SNAI3: variants seen among roughly 807,000 people sequenced by gnomAD.
SNAI3 encodes snail family transcriptional repressor 3, also known as zinc finger protein SNAI3.
In SNAI3, 21 loss-of-function variants were observed where a neutral mutation model predicts 16.4. That is an observed-to-expected ratio of 1.28 (90% CI 0.91 to 1.85). The LOEUF is 1.85. SNAI3 is among the 40% of genes most tolerant of loss of function. The pLI is 0.00. For synonymous variants in SNAI3, 202 were observed against 166.6 expected (o/e 1.21, Z -1.64); for missense variants, 457 against 372.8 (o/e 1.23, Z -1.86).
chr16:88,678,292 G>A lies in SNAI3; in HGVS notation c.*156C>T, dbSNP rs1909039983. 1.7e-6 allele frequency: 1 copy of A among 580,894 alleles called. No individual in the cohort carries two copies. The highest frequency in any genetic ancestry group is 2.1e-5 in the South Asian group (1 of 48,382). The allele number at this position is 580,894 out of a possible 1,614,324, so 36.0% of individuals were successfully genotyped here. On this transcript the variant is annotated 3_prime_UTR_variant, in exon 3 of 3. Coordinates refer to ENST00000332281, the MANE Select transcript of SNAI3 (RefSeq NM_178310.4). Reference sequence around the variant, plus strand: ...GTCCTCCGGCCCAGTGGCCCCCGCTGGACTTCTTTGGTTCTGATTGGACGC... The same window carrying A: ...GTCCTCCGGCCCAGTGGCCCCCGCTAGACTTCTTTGGTTCTGATTGGACGC...
At position 88,681,143 on chromosome 16, in the gene SNAI3, C is replaced by G; in HGVS notation, c.648G>C (p.Lys216Asn). The change falls in exon 2 of 3, where the codon AAG (lysine) becomes AAC (asparagine). Residue 216 changes from lysine (K) to asparagine (N), a missense_variant. Lys to Asn is a moderately conservative substitution (Grantham distance 94, BLOSUM62 0). Coordinates refer to ENST00000332281, the MANE Select transcript of SNAI3 (RefSeq NM_178310.4). This position sits in a 1 kb window ranked among gnomAD's most constrained non-coding sequence, Gnocchi z 5.4. Reference sequence around the variant, plus strand: ...GCAGTAACCAGGGCCTGGAGAAGGCCTTGCCACAGATCTTGCAGGTGCAGG... The same window carrying G: ...GCAGTAACCAGGGCCTGGAGAAGGCGTTGCCACAGATCTTGCAGGTGCAGG... ...TLPCTCKICG[K>N]AFSRPWLLQG... The G allele has an allele frequency of 6.2e-7, 1 of 1,613,844 alleles. No homozygotes were observed. Among genetic ancestry groups the G allele is most frequent in the South Asian group, 1.1e-5 (1 of 91,078 alleles).
intron 1 of SNAI3, among the ~76,000 whole-genome samples, chr16:88,684,053 T>A (rs1249035180): frequency 6.6e-6 from 1 of 152,156 alleles, no homozygotes; most frequent in Admixed American, 6.5e-5. Flanking sequence ...AAGGAACGCC[T>A]CCCATCTGCC....
At chr16:88,680,275 A>ATTTTTTTTTTTTTTTTTTTTTT in intron 2 of SNAI3, among the ~76,000 whole-genome samples, 1 of 55,092 alleles carries the variant, frequency 1.8e-5, no homozygotes, top group Non-Finnish European at 3.1e-5. Context: ...TATGTTTTTG[A>ATTTTTTTTTTTTTTTTTTTTTT]TTTTTTTTTT....
chr16:88,686,320 G>A lies in SNAI3; in HGVS notation c.76+11C>T. 1 of 1,610,274 alleles carries A rather than the reference G, an allele frequency of 6.2e-7. No homozygotes were observed. Among genetic ancestry groups the A allele is most frequent in the East Asian group, 2.2e-5 (1 of 44,784 alleles). On this transcript the variant is annotated intron_variant, in intron 1 of 2. Transcript: ENST00000332281. The stretch of plus-strand genomic sequence containing the variant: ...GTCCCGGCAGGGGCTCGGGGATCGG[G>A]TAGTCAGTACCTCTCTGCGTCTCCA...
chr16:88,683,399 G>T (rs1174746502), intron 1 of SNAI3, among the ~76,000 whole-genome samples: 1 of 150,072 alleles, frequency 6.7e-6, no homozygotes, highest in Admixed American at 6.7e-5. Flanking sequence ...GGGATTACAG[G>T]CATGCGCCAC....
At position 88,678,630 on chromosome 16, in the gene SNAI3, C is replaced by T; in HGVS notation, c.698-1G>A. On this transcript the variant is annotated splice_acceptor_variant, in intron 2 of 2. Coordinates refer to ENST00000332281, the MANE Select transcript of SNAI3 (RefSeq NM_178310.4). LOFTEE classifies it high-confidence loss of function. ...TGCGAGCAGGCATAGGGCTTCTCCCCTGTGGGAGGAAGGCGGCGGCCAGTG... is the reference window on the plus strand; with the variant it reads ...TGCGAGCAGGCATAGGGCTTCTCCCTTGTGGGAGGAAGGCGGCGGCCAGTG... The T allele has an allele frequency of 7.3e-7, 1 of 1,369,172 alleles. No homozygotes were observed. 84.8% of individuals were successfully genotyped at this position (1,369,172 alleles called of 1,614,324 possible).
rs980006827 is a variant in SNAI3 at position 88,681,924 on chromosome 16, G to A, written c.77-210C>T. Among the ~76,000 whole-genome samples the A allele has an allele frequency of 6.6e-6, 1 of 152,174 alleles. No individual in the cohort carries two copies. Among genetic ancestry groups the A allele is most frequent in the Non-Finnish European group, 1.5e-5 (1 of 68,026 alleles). ...GCGTGGCCAGGAGTGGAGTCATCTA[G>A]AACAAGAAGGCCCCGCGGTCTAGAG... On this transcript the variant is annotated intron_variant, in intron 1 of 2. Transcript: ENST00000332281. This position sits in a 1 kb window ranked among gnomAD's most constrained non-coding sequence, Gnocchi z 5.4.
intron 1 of SNAI3, among the ~76,000 whole-genome samples, chr16:88,682,167 G>C (rs1909196185): frequency 6.6e-6 from 1 of 152,182 alleles, no homozygotes; most frequent in African/African-American, 2.4e-5. Flanking sequence ...TTGGCAGCAA[G>C]GTGCCGGCTG....
At chr16:88,683,130 G>C (rs1909237699) in intron 1 of SNAI3, among the ~76,000 whole-genome samples, 1 of 134,534 alleles carries the variant, frequency 7.4e-6, no homozygotes, top group South Asian at 2.4e-4. Flanking sequence ...CTGTCTCCCA[G>C]GCTGGAGTGC....
chr16:88,685,914 C>T, intron 1 of SNAI3: 1 of 171,834 alleles, frequency 5.8e-6, no homozygotes, highest in Admixed American at 6.0e-5. Context: ...CTGAGCCGGG[C>T]CGCCCCAGAC....
Position 88,686,468 on chromosome 16 carries a change from A to C in SNAI3, c.-62T>G, listed in dbSNP as rs1230389566. 7 of 1,580,088 alleles carry C rather than the reference A, an allele frequency of 4.4e-6. No homozygotes were observed. Among genetic ancestry groups the C allele is most frequent in the Non-Finnish European group, 6.0e-6 (7 of 1,168,870 alleles). Reference sequence around the variant, plus strand: ...GCGGGAGGGGCGCGCCTGGGTCCGGACTGCTGCGTCCGCCGGCGCTTGAAG... The same window carrying C: ...GCGGGAGGGGCGCGCCTGGGTCCGGCCTGCTGCGTCCGCCGGCGCTTGAAG... On this transcript the variant is annotated 5_prime_UTR_variant, in exon 1 of 3. Transcript: ENST00000332281.
At chr16:88,680,252 A>C (rs1399139505) in intron 2 of SNAI3, among the ~76,000 whole-genome samples, 2 of 117,022 alleles carry the variant, frequency 1.7e-5, no homozygotes, top group East Asian at 4.9e-4. Flanking sequence ...CCACTTTTGT[A>C]CTTTAATGGC....
chr16:88,686,340 T>C lies in SNAI3; in HGVS notation c.67A>G (p.Thr23Ala), dbSNP rs1390463096. ...ATCGGGTAGTCAGTACCTCTCTGCG[T>C]CTCCAGCCGCCGGTAGTTGGGGACC... ...HRVPNYRRLE[T>A]QREINGACSA... The change falls in exon 1 of 3, where the codon ACG becomes GCG. Residue 23 changes from threonine (T) to alanine (A), a missense_variant. Thr to Ala is a moderately conservative substitution (Grantham distance 58). Coordinates refer to ENST00000332281, the MANE Select transcript of SNAI3 (RefSeq NM_178310.4). The C allele has an allele frequency of 6.2e-7, 1 of 1,610,938 alleles. No homozygotes were observed. Among genetic ancestry groups the C allele is most frequent in the Non-Finnish European group, 8.5e-7 (1 of 1,179,290 alleles).
intron 1 of SNAI3, among the ~76,000 whole-genome samples, chr16:88,683,248 A>G (rs1422992149): frequency 6.7e-6 from 1 of 150,184 alleles, no homozygotes; most frequent in African/African-American, 2.5e-5. Context: ...GTGCGCCACC[A>G]TGCCTGGCTA....
chr16:88,684,752 A>G (rs1476627856), intron 1 of SNAI3, among the ~76,000 whole-genome samples: 1 of 152,144 alleles, frequency 6.6e-6, no homozygotes, highest in East Asian at 1.9e-4. Flanking sequence ...CGACCTCCCA[A>G]AGTGCTGAGA....
chr16:88,678,956 C>T (rs1219695150), intron 2 of SNAI3: 1 of 985,288 alleles, frequency 1.0e-6, no homozygotes, highest in East Asian at 1.1e-4. Flanking sequence ...GGGGTCTGGC[C>T]AGCTCCAGCA....
rs199591696 is a variant in SNAI3 at position 88,681,373 on chromosome 16, G to A, written c.418C>T (p.Leu140Phe). The change falls in exon 2 of 3, where the codon CTT becomes TTT. Residue 140 changes from leucine (L) to phenylalanine (F), a missense_variant. Physicochemically the swap from Leu to Phe is conservative, Grantham distance 22 (BLOSUM62 0). Transcript: ENST00000332281. This position sits in a 1 kb window ranked among gnomAD's most constrained non-coding sequence, Gnocchi z 5.4. ...GCTCGGGGCATCCGCTCAGCCCCAA[G>A]CAGTTTTTCCGGAGCCCCGTGCCGG... is the stretch of plus-strand genomic sequence containing the variant. The part of the protein sequence containing the change: ...PDRHGAPEKL[L>F]GAERMPRAPG... The A allele has an allele frequency of 5.8e-5, 94 of 1,612,674 alleles. No individual in the cohort carries two copies. The Admixed American group carries it at 1.2e-3, about 20-fold the overall frequency.
rs987584027 is a variant in SNAI3, at chr16:88,678,423, C to G, written c.*25G>C. 5.4e-6 allele frequency: 4 copies of G among 747,036 alleles called. No individual in the cohort carries two copies. The highest frequency in any genetic ancestry group is 3.4e-5 in the African/African-American group (2 of 58,930). 46.3% of individuals were successfully genotyped at this position (747,036 alleles called of 1,614,324 possible). A position where few individuals can be genotyped will look rare whatever the true frequency, so the allele number is the denominator to read the frequency against. The stretch of plus-strand genomic sequence containing the variant: ...AGCTCTCCCGGTGAGGACCATCCCT[C>G]CTACCTGCGCCGACCACGTGCCTCT... On this transcript the variant is annotated 3_prime_UTR_variant, in exon 3 of 3. Transcript: ENST00000332281.
At chr16:88,680,111 C>T (rs1264641497) in intron 2 of SNAI3, among the ~76,000 whole-genome samples, 2 of 149,704 alleles carry the variant, frequency 1.3e-5, no homozygotes, top group African/African-American at 2.4e-5. Flanking sequence ...AAAGTGTGAA[C>T]CTTTGGGCCT....
Sources: allele counts gnomAD v4.1 joint callset (sites outside exome capture counted in the v4.1 genomes callset), GRCh38; gene constraint gnomAD v4.1.1; non-coding constraint Gnocchi (gnomAD v3.1); transcripts MANE v1.5; gene names NCBI Gene and HGNC (gene_info 2026-07-23, HGNC 2026-07-21).